The following SMARCAL1 variants were observed in gnomAD, a reference collection of about 807,000 sequenced individuals.
SMARCAL1 encodes ATP-driven annealing helicase.
SMARCAL1 carries 58 observed loss-of-function variants against 94.5 expected under a neutral mutation model. The ratio of observed to expected loss-of-function variants is 0.61; its 90% CI spans 0.50 to 0.76. The LOEUF (loss-of-function observed/expected upper bound fraction) is 0.76, where lower values mean the gene tolerates loss of function less well. Among genes scored for constraint, SMARCAL1 ranks in the 30% least tolerant of loss-of-function variants. SMARCAL1 has a pLI of 0.00. For missense variants in SMARCAL1, 1,051 were observed against 1,177.9 expected (o/e 0.89, Z 1.58); for synonymous variants, 422 against 455.1 (o/e 0.93, Z 0.93).
chr2:216,472,558 A>G (rs1694990536), intron 14 of SMARCAL1, among the ~76,000 whole-genome samples: 1 of 152,004 alleles, frequency 6.6e-6, no homozygotes, highest in Admixed American at 6.5e-5. Context: ...TTAGAAAACA[A>G]CAGAAAAGTA....
chr2:216,446,948 T>C, intron 10 of SMARCAL1, 70 bp from the exon 11 acceptor site: 1 of 1,600,660 alleles, frequency 6.2e-7, no homozygotes, highest in Admixed American at 1.7e-5. Flanking sequence ...CCTCCCTCAC[T>C]GGGGCATTTT....
intron 4 of SMARCAL1, among the ~76,000 whole-genome samples, 192 bp from the exon 5 acceptor site, chr2:216,420,107 T>C (rs1693684642): frequency 6.6e-6 from 1 of 150,750 alleles, no homozygotes; most frequent in African/African-American, 2.4e-5. Flanking sequence ...ATATTGAAAT[T>C]CCCAAAGCCC....
chr2:216,415,581 A>T, intron 3 of SMARCAL1, 66 bp downstream of exon 3: 9 of 1,373,790 alleles, frequency 6.6e-6, no homozygotes, highest in Admixed American at 5.4e-5. Context: ...TTTTAATCTA[A>T]CAGTTTCTCA....
intron 10 of SMARCAL1, among the ~76,000 whole-genome samples, chr2:216,445,574 T>A (rs1694293301): frequency 6.6e-6 from 1 of 151,156 alleles, no homozygotes; most frequent in African/African-American, 2.5e-5. Flanking sequence ...TTTGGGGTGA[T>A]GGGGAGATTT....
chr2:216,454,706 G>T (rs938714776), intron 12 of SMARCAL1, among the ~76,000 whole-genome samples: 2 of 151,930 alleles, frequency 1.3e-5, no homozygotes, highest in Non-Finnish European at 2.9e-5. Flanking sequence ...CTATAAAAAA[G>T]AATCATCTTG....
At chr2:216,454,922 G>A (rs890708376) in intron 12 of SMARCAL1, among the ~76,000 whole-genome samples, 4 of 152,360 alleles carry the variant, frequency 2.6e-5, no homozygotes, top group East Asian at 3.9e-4. Context: ...CCCAGGAAGC[G>A]CAAGGGGTCA....
intron 1 of SMARCAL1, chr2:216,413,029 A>G (rs1484407627): frequency 1.3e-5 from 2 of 152,132 alleles, no homozygotes; most frequent in Non-Finnish European, 1.5e-5. Context: ...TGTGTTACCC[A>G]GAGAGACTGA....
In SMARCAL1 at chr2:216,475,858, C is replaced by T. The variant is rs1040049973; in HGVS notation, c.2427+407C>T. On this transcript the variant is annotated intron_variant, in intron 15 of 17. Coordinates refer to ENST00000357276, the MANE Select transcript of SMARCAL1 (RefSeq NM_014140.4). This position sits in a 1 kb window ranked among gnomAD's most constrained non-coding sequence, Gnocchi z 4.4. Reference sequence around the variant, plus strand: ...TATCAACGGGAAGGTTGAAGTCTTCCAGGGCTAGAAGGAATCTTGACTTCA... The same window carrying T: ...TATCAACGGGAAGGTTGAAGTCTTCTAGGGCTAGAAGGAATCTTGACTTCA... Among the ~76,000 whole-genome samples the T allele has an allele frequency of 1.3e-5, 2 of 152,076 alleles. No individual in the cohort carries two copies. Among genetic ancestry groups the T allele is most frequent in the African/African-American group, 4.8e-5 (2 of 41,406 alleles).
intron 15 of SMARCAL1, among the ~76,000 whole-genome samples, 185 bp from the exon 16 acceptor site, chr2:216,476,924 T>C (rs1303276795): frequency 6.6e-6 from 1 of 152,228 alleles, no homozygotes; most frequent in Non-Finnish European, 1.5e-5. Flanking sequence ...TTTGTTAAAG[T>C]GGCAGGTCAT....
chr2:216,470,877 T>C (rs1376707012), intron 14 of SMARCAL1, among the ~76,000 whole-genome samples: 1 of 124,424 alleles, frequency 8.0e-6, no homozygotes, highest in Non-Finnish European at 1.7e-5. Context: ...GCAGGAGCGA[T>C]ATCTAAACAA....
intron 12 of SMARCAL1, among the ~76,000 whole-genome samples, chr2:216,453,064 A>G (rs1343657559): frequency 1.3e-5 from 2 of 152,248 alleles, no homozygotes; most frequent in Admixed American, 1.3e-4. Context: ...CCAGTTGCCC[A>G]GAATCCTGCC....
intron 6 of SMARCAL1, 54 bp downstream of exon 6, chr2:216,423,737 T>C (rs529164361): frequency 4.2e-5 from 61 of 1,458,880 alleles, no homozygotes; most frequent in Admixed American, 1.2e-4. Context: ...GCTTTAATAA[T>C]TCACCTTAAA....
At chr2:216,421,719 T>C (rs1389014578) in intron 5 of SMARCAL1, among the ~76,000 whole-genome samples, 1 of 152,164 alleles carries the variant, frequency 6.6e-6, no homozygotes, top group African/African-American at 2.4e-5. Flanking sequence ...AACGATGTAG[T>C]TTTTATGGAT....
chr2:216,455,323 G>A (rs558342655), intron 12 of SMARCAL1, among the ~76,000 whole-genome samples: 23 of 152,346 alleles, frequency 1.5e-4, no homozygotes, highest in African/African-American at 5.3e-4. Flanking sequence ...AGACTTAAAT[G>A]TCCCTGTCTG....
At chr2:216,417,588 C>A (rs1279277441) in intron 4 of SMARCAL1, among the ~76,000 whole-genome samples, 1 of 152,174 alleles carries the variant, frequency 6.6e-6, no homozygotes, top group Non-Finnish European at 1.5e-5. Context: ...CTTTAAAGGC[C>A]CTATCTCCAT....
rs1184288846 is a variant in SMARCAL1 at position 216,415,405 on chromosome 2, T to G, written c.701T>G (p.Val234Gly). The G allele has an allele frequency of 6.2e-7, 1 of 1,614,136 alleles. No homozygotes were observed. Among genetic ancestry groups the G allele is most frequent in the Admixed American group, 1.7e-5 (1 of 60,036 alleles). The part of the protein sequence containing the change: ...QKSGSSVQKG[V>G]NSQKGKCVRN... ...TCAGGGTCCTCAGTCCAAAAAGGAG[T>G]GAACTCTCAGAAGGGAAAGTGCGTA... The change falls in exon 3 of 18, where the codon GTG becomes GGG. Residue 234 changes from valine to glycine, a missense_variant. Val to Gly is a moderately radical substitution (Grantham distance 109). Coordinates refer to ENST00000357276, the MANE Select transcript of SMARCAL1 (RefSeq NM_014140.4).
intron 6 of SMARCAL1, among the ~76,000 whole-genome samples, chr2:216,424,953 C>T (rs1360036502): frequency 6.6e-6 from 1 of 152,132 alleles, no homozygotes; most frequent in Non-Finnish European, 1.5e-5. Context: ...CAGGGTCTCG[C>T]TGTCACCCAG....
rs145150683 is a variant in SMARCAL1, at chr2:216,468,213, T to C, written c.2244+167T>C. ...TTGTAGAACCACAGTGGGGTCAAAA[T>C]GTTTCCCCAGCCATGTCATTTTAAC... On this transcript the variant is annotated intron_variant, in intron 14 of 17. Coordinates refer to ENST00000357276, the MANE Select transcript of SMARCAL1 (RefSeq NM_014140.4). Among the ~76,000 whole-genome samples, 114 of 152,312 alleles carry C rather than the reference T, an allele frequency of 7.5e-4. 1 individual carries two copies. The East Asian group carries it at 0.018, about 23-fold the overall frequency.
chr2:216,454,768 C>T (rs993000077), intron 12 of SMARCAL1, among the ~76,000 whole-genome samples: 2 of 152,206 alleles, frequency 1.3e-5, no homozygotes, highest in African/African-American at 2.4e-5. Flanking sequence ...CAGCTCCCAG[C>T]GTGAGCGACA....
Sources: allele counts gnomAD v4.1 joint callset (sites outside exome capture counted in the v4.1 genomes callset), GRCh38; gene constraint gnomAD v4.1.1; non-coding constraint Gnocchi (gnomAD v3.1); transcripts MANE v1.5; gene names NCBI Gene and HGNC (gene_info 2026-07-23, HGNC 2026-07-21).